Variants in DPYD observed in about 807,000 individuals in gnomAD.
DPYD encodes the protein dihydropyrimidine dehydrogenase [NADP(+)].
Under a neutral mutation model 116.2 loss-of-function variants are expected in DPYD, and 109 were observed. That is an observed-to-expected ratio of 0.94 (90% CI 0.80 to 1.10). The LOEUF is 1.10. Ranked by LOEUF, DPYD falls within the 50% of genes least tolerant of loss-of-function variation. The pLI is 0.00. For synonymous variants in DPYD, 440 were observed against 432.0 expected (o/e 1.02, Z -0.23); for missense variants, 1,302 against 1,254.5 (o/e 1.04, Z -0.57).
chr1:97,826,146 G>C (rs1358150619), intron 3 of DPYD, among the ~76,000 whole-genome samples: 2 of 152,132 alleles, frequency 1.3e-5, no homozygotes, highest in African/African-American at 4.8e-5. Flanking sequence ...TAGAATGGGT[G>C]GTTGGCAAGT....
intron 8 of DPYD, among the ~76,000 whole-genome samples, chr1:97,596,960 A>C (rs1235526552): frequency 6.6e-6 from 1 of 152,158 alleles, no homozygotes; most frequent in East Asian, 1.9e-4. Flanking sequence ...GGAAATGGGG[A>C]TAAGACTGTT....
chr1:97,402,047 T>C (rs936522761), intron 14 of DPYD, among the ~76,000 whole-genome samples: 1 of 152,166 alleles, frequency 6.6e-6, no homozygotes, highest in Non-Finnish European at 1.5e-5. Flanking sequence ...GTCTTGAGGT[T>C]AGGTAGTGTC....
chr1:97,828,065 C>CTT, intron 3 of DPYD, 49 bp downstream of exon 3: 1 of 1,554,602 alleles, frequency 6.4e-7, no homozygotes, highest in Non-Finnish European at 8.9e-7. Flanking sequence ...TGAAGAATGA[C>CTT]TTTTTCTTTA....
chr1:97,720,277 T>C (rs1372069189), intron 5 of DPYD: 3 of 985,246 alleles, frequency 3.0e-6, no homozygotes, highest in African/African-American at 1.7e-5. Flanking sequence ...TTGATATACA[T>C]ACTATGTGAC....
intron 8 of DPYD, among the ~76,000 whole-genome samples, chr1:97,624,812 A>T (rs1656833201): frequency 6.6e-6 from 1 of 152,210 alleles, no homozygotes; most frequent in African/African-American, 2.4e-5. Context: ...ATTTGTAACA[A>T]CATGGGTGGA....
At chr1:97,660,220 C>T (rs1659170683) in intron 8 of DPYD, among the ~76,000 whole-genome samples, 1 of 152,046 alleles carries the variant, frequency 6.6e-6, no homozygotes, top group Non-Finnish European at 1.5e-5. Flanking sequence ...ATAAAACTGG[C>T]TCAAACCAGC....
At chr1:97,732,659 TTAACTC>T in intron 4 of DPYD, among the ~76,000 whole-genome samples, 1 of 152,166 alleles carries the variant, frequency 6.6e-6, no homozygotes, top group Middle Eastern at 3.4e-3. Context: ...TCCTTTGTCT[TTAACTC>T]TAGTAAATTT....
intron 16 of DPYD, among the ~76,000 whole-genome samples, chr1:97,367,748 C>T (rs1054558327): frequency 6.6e-6 from 1 of 152,108 alleles, no homozygotes; most frequent in African/African-American, 2.4e-5. Flanking sequence ...GTTGTTCACT[C>T]TTTAGCAATC....
At position 97,907,115 on chromosome 1, in the gene DPYD, C is replaced by T. The variant is rs74481079; in HGVS notation, c.39+13769G>A. Among the ~76,000 whole-genome samples, 552 of 152,032 alleles carry T rather than the reference C, an allele frequency of 3.6e-3. 7 individuals are homozygous for T. The highest frequency in any genetic ancestry group is 0.013 in the African/African-American group (532 of 41,490). ...GAGTCATGGGCTGGGCAGGAAGGAGCGGAACAATGAAAGATTTCATCACAT... is the reference window on the plus strand; with the variant it reads ...GAGTCATGGGCTGGGCAGGAAGGAGTGGAACAATGAAAGATTTCATCACAT... On this transcript the variant is annotated intron_variant, in intron 1 of 22. Transcript: ENST00000370192.
At chr1:97,626,051 T>TAG (rs1383935849) in intron 8 of DPYD, among the ~76,000 whole-genome samples, 3 of 152,082 alleles carry the variant, frequency 2.0e-5, no homozygotes, top group Non-Finnish European at 4.4e-5. Flanking sequence ...TTGGACCTAC[T>TAG]AGACTATGGG....
chr1:97,876,791 A>C (rs1172891686), intron 2 of DPYD, among the ~76,000 whole-genome samples: 4 of 152,040 alleles, frequency 2.6e-5, no homozygotes, highest in Admixed American at 6.6e-5. Context: ...GAATTTTAGA[A>C]GTCACGTTTT....
chr1:97,624,739 A>G (rs758606574), intron 8 of DPYD, among the ~76,000 whole-genome samples: 3 of 152,096 alleles, frequency 2.0e-5, no homozygotes, highest in Non-Finnish European at 4.4e-5. Flanking sequence ...AGATAAATGG[A>G]TAAAGAAAAT....
intron 3 of DPYD, among the ~76,000 whole-genome samples, chr1:97,754,952 G>A (rs528217003): frequency 1.3e-5 from 2 of 152,330 alleles, no homozygotes; most frequent in South Asian, 4.1e-4. Flanking sequence ...GTTTCTTCGG[G>A]ACGAATAAGA....
At chr1:97,763,062 T>C (rs1665663252) in intron 3 of DPYD, among the ~76,000 whole-genome samples, 1 of 152,056 alleles carries the variant, frequency 6.6e-6, no homozygotes, top group African/African-American at 2.4e-5. Context: ...GCTATCCTCA[T>C]TAACACCCAG....
chr1:97,810,962 C>T (rs1177385188), intron 3 of DPYD, among the ~76,000 whole-genome samples: 3 of 152,112 alleles, frequency 2.0e-5, no homozygotes, highest in Non-Finnish European at 2.9e-5. Flanking sequence ...GTACCCTCTG[C>T]GTTTTTCATA....
At chr1:97,511,061 T>TA (rs1210652658) in intron 13 of DPYD, among the ~76,000 whole-genome samples, 5 of 151,824 alleles carry the variant, frequency 3.3e-5, no homozygotes, top group African/African-American at 1.2e-4. Flanking sequence ...CAACCAACTG[T>TA]AAATGCATGA....
At chr1:97,835,335 TTAAAG>T (rs1380025746) in intron 2 of DPYD, among the ~76,000 whole-genome samples, 1 of 152,070 alleles carries the variant, frequency 6.6e-6, no homozygotes, top group Non-Finnish European at 1.5e-5. Flanking sequence ...ATTGTAAAGA[TTAAAG>T]TAAATAAAAA....
chr1:97,874,486 T>C (rs1448018479), intron 2 of DPYD, among the ~76,000 whole-genome samples: 1 of 151,866 alleles, frequency 6.6e-6, no homozygotes, highest in Non-Finnish European at 1.5e-5. Flanking sequence ...AGCAAATTGA[T>C]CTCTCTATAC....
intron 3 of DPYD, among the ~76,000 whole-genome samples, chr1:97,782,818 C>T (rs970803642): frequency 1.3e-5 from 2 of 151,954 alleles, no homozygotes; most frequent in African/African-American, 4.8e-5. Context: ...GGTCAAACTC[C>T]TTTGTTACTT....
Sources: gnomAD v4.1 joint callset for allele counts (sites outside exome capture counted in the v4.1 genomes callset) on GRCh38, gnomAD v4.1.1 for gene constraint, MANE v1.5 for transcripts, NCBI Gene and HGNC (gene_info 2026-07-23, HGNC 2026-07-21) for gene names.